COL28A1: variants seen among roughly 807,000 people sequenced by gnomAD.
COL28A1 encodes collagen type XXVIII alpha 1 chain.
A neutral mutation model predicts 150.2 loss-of-function variants in COL28A1; 161 were observed. The observed-to-expected ratio is 1.07, with a 90% CI of 0.94 to 1.22. The LOEUF is 1.22. Ranked by LOEUF, COL28A1 falls within the 50% of genes most tolerant of loss-of-function variation. COL28A1 has a pLI of 0.00. For synonymous variants in COL28A1, 552 were observed against 469.7 expected, an observed-to-expected ratio of 1.18 and a Z score of -2.26; for missense variants, 1,617 against 1,388.3, an observed-to-expected ratio of 1.16 and a Z score of -2.62.
chr7:7,373,050 A>C lies in COL28A1; in HGVS notation c.2856T>G (p.Ile952Met), dbSNP rs1444368419. Reference protein sequence around the residue: ...FEIFHKEMNLIATDPEHVYQF... With the variant: ...FEIFHKEMNLMATDPEHVYQF... ...GGTAAACATGCTCTGGGTCAGTAGC[A>C]ATTAGATTCATTTCTTTGTGGAATA... The change falls in exon 32 of 35, where the codon ATT becomes ATG. Residue 952 changes from isoleucine to methionine, a missense_variant. By Grantham distance (10) the Ile-to-Met change is conservative (BLOSUM62 1). Transcript: ENST00000399429. This position sits in a 1 kb window ranked among gnomAD's most constrained non-coding sequence, Gnocchi z 4.1. 6.2e-7 allele frequency: 1 copy of C among 1,614,032 alleles called. No homozygotes were observed. The highest frequency in any genetic ancestry group is 1.3e-5 in the African/African-American group (1 of 74,916).
At chr7:7,535,003 C>G (rs1782566442) in intron 1 of COL28A1, among the ~76,000 whole-genome samples, 1 of 152,106 alleles carries the variant, frequency 6.6e-6, no homozygotes. Context: ...ATCTTGAGAG[C>G]CCACTCATTT....
chr7:7,387,167 T>C (rs1782237582), intron 27 of COL28A1, among the ~76,000 whole-genome samples: 1 of 152,082 alleles, frequency 6.6e-6, no homozygotes, highest in Non-Finnish European at 1.5e-5. Context: ...CTGTTTCCTT[T>C]TGAAGGAAAC....
At chr7:7,496,769 AT>A (rs1780231273) in intron 11 of COL28A1, among the ~76,000 whole-genome samples, 1 of 152,162 alleles carries the variant, frequency 6.6e-6, no homozygotes, top group Admixed American at 6.5e-5. Context: ...ATTTTATCAT[AT>A]TTTCTTAACA....
intron 15 of COL28A1, 78 bp from the exon 16 acceptor site, chr7:7,456,190 G>T (rs952536852): frequency 6.6e-7 from 1 of 1,521,520 alleles, no homozygotes; most frequent in Non-Finnish European, 8.8e-7. Context: ...CTGGAATTGG[G>T]CTGTGTTAAA....
chr7:7,412,233 T>G (rs1215524464), intron 27 of COL28A1, among the ~76,000 whole-genome samples: 3 of 152,084 alleles, frequency 2.0e-5, no homozygotes, highest in Non-Finnish European at 4.4e-5. Flanking sequence ...GCCTGCTGGG[T>G]GTAAGTGATA....
intron 32 of COL28A1, among the ~76,000 whole-genome samples, chr7:7,372,397 C>CA (rs1781279630): frequency 1.1e-5 from 1 of 87,112 alleles, no homozygotes; most frequent in Non-Finnish European, 2.5e-5. Flanking sequence ...GACTCCGTCT[C>CA]AAAATAAATA....
At chr7:7,380,894 G>C (rs1781836281) in intron 28 of COL28A1, 32 bp from the exon 29 acceptor site, 2 of 1,556,344 alleles carry the variant, frequency 1.3e-6, no homozygotes, top group Non-Finnish European at 1.8e-6. Context: ...GATAGGTTCA[G>C]AATGTGAATC....
At chr7:7,428,913 G>A (rs947678741) in intron 25 of COL28A1, among the ~76,000 whole-genome samples, 1 of 152,182 alleles carries the variant, frequency 6.6e-6, no homozygotes, top group Admixed American at 6.5e-5. Flanking sequence ...GATGTTGCAG[G>A]GAATTTTTCC....
chr7:7,531,799 T>A lies in COL28A1; in HGVS notation c.230A>T (p.Lys77Met), dbSNP rs1365973106. The A allele has an allele frequency of 6.2e-7, 1 of 1,604,162 alleles. No individual in the cohort carries two copies. Among genetic ancestry groups the A allele is most frequent in the Non-Finnish European group, 8.5e-7 (1 of 1,171,092 alleles). The change falls in exon 3 of 35, where the codon AAG becomes ATG. Residue 77 changes from lysine to methionine, a missense_variant. Physicochemically the swap from Lys to Met is moderately conservative, Grantham distance 95. Transcript: ENST00000399429. ...QKDFVDSLSD[K>M]IFQLTPGRSL... ...GCGACCAGGAGTCAATTGGAAAATC[T>A]TGTCACTCAAGCTATCCACAAAATC...
intron 14 of COL28A1, 140 bp downstream of exon 14, chr7:7,476,972 C>A: frequency 1.7e-6 from 1 of 593,648 alleles, no homozygotes; most frequent in Non-Finnish European, 3.0e-6. Flanking sequence ...GGGAAATTTA[C>A]ATATTCCTTC....
intron 27 of COL28A1, among the ~76,000 whole-genome samples, chr7:7,410,389 C>A (rs1168825402): frequency 6.6e-6 from 1 of 152,120 alleles, no homozygotes; most frequent in Non-Finnish European, 1.5e-5. Flanking sequence ...CCTAAAACAC[C>A]AAACTATTCA....
At chr7:7,400,530 C>T (rs144443132) in intron 27 of COL28A1, among the ~76,000 whole-genome samples, 12 of 152,216 alleles carry the variant, frequency 7.9e-5, no homozygotes, top group Non-Finnish European at 1.5e-4. Context: ...TGTTGTAGAA[C>T]GCATTCTCAT....
Position 7,373,686 on chromosome 7 carries a change from G to T in COL28A1, c.2360-140C>A. On this transcript the variant is annotated intron_variant, in intron 31 of 34. Coordinates refer to ENST00000399429, the MANE Select transcript of COL28A1 (RefSeq NM_001037763.3). This position sits in a 1 kb window ranked among gnomAD's most constrained non-coding sequence, Gnocchi z 4.1. ...TCTGTGATTGTGAAAATACCTGACAGCTGTCTCCATTCTGGTTTCTTTTTT... is the reference window on the plus strand; with the variant it reads ...TCTGTGATTGTGAAAATACCTGACATCTGTCTCCATTCTGGTTTCTTTTTT... 1.4e-6 allele frequency: 1 copy of T among 694,616 alleles called. No homozygotes were observed. Among genetic ancestry groups the T allele is most frequent in the Non-Finnish European group, 2.3e-6 (1 of 428,860 alleles). The allele number at this position is 694,616 out of a possible 1,614,324, so 43.0% of individuals were successfully genotyped here. A position where few individuals can be genotyped will look rare whatever the true frequency, so the allele number is the denominator to read the frequency against.
At chr7:7,383,710 G>A (rs972153008) in intron 27 of COL28A1, among the ~76,000 whole-genome samples, 8 of 59,766 alleles carry the variant, frequency 1.3e-4, no homozygotes, top group Non-Finnish European at 3.5e-4. Context: ...ATATGTATAT[G>A]AGATTCTAAT....
chr7:7,460,774 C>T (rs1787551280), intron 15 of COL28A1, among the ~76,000 whole-genome samples: 1 of 152,234 alleles, frequency 6.6e-6, no homozygotes, highest in Admixed American at 6.5e-5. Context: ...TGGTAGAAGT[C>T]ACTGGATGTC....
the COL28A1 span, among the ~76,000 whole-genome samples, chr7:7,542,718 T>C: frequency 6.6e-6 from 1 of 152,200 alleles, no homozygotes; most frequent in Admixed American, 6.5e-5. Flanking sequence ...GGTTGTGACA[T>C]GATCACACTT....
the COL28A1 span, among the ~76,000 whole-genome samples, chr7:7,338,888 C>A: frequency 6.6e-6 from 1 of 152,068 alleles, no homozygotes; most frequent in Non-Finnish European, 1.5e-5. Context: ...AGAGATATTG[C>A]AGACTTCTGC....
chr7:7,390,057 C>G (rs1443676744), intron 27 of COL28A1, among the ~76,000 whole-genome samples: 2 of 152,146 alleles, frequency 1.3e-5, no homozygotes, highest in African/African-American at 4.8e-5. Flanking sequence ...AGAGGGCATC[C>G]CTATCTTGTG....
At chr7:7,353,786 C>T (rs759497634), downstream of COL28A1, among the ~76,000 whole-genome samples, 149 of 152,048 alleles carry the variant, frequency 9.8e-4, no homozygotes, top group Non-Finnish European at 1.3e-3. Context: ...AAAGCTTGAA[C>T]AAGAAATGTA....
Sources: allele counts gnomAD v4.1 joint callset (sites outside exome capture counted in the v4.1 genomes callset), GRCh38; gene constraint gnomAD v4.1.1; non-coding constraint Gnocchi (gnomAD v3.1); transcripts MANE v1.5; gene names NCBI Gene and HGNC (gene_info 2026-07-23, HGNC 2026-07-21).